Variants in FRMD4A observed in about 807,000 individuals in gnomAD.
The protein encoded by FRMD4A is FERM domain-containing protein 4A.
In FRMD4A, 29 loss-of-function variants were observed where a neutral mutation model predicts 129.1. The observed-to-expected ratio is 0.22, with a 90% CI of 0.17 to 0.31. FRMD4A has a LOEUF of 0.31. Among genes scored for constraint, FRMD4A ranks in the 10% least tolerant of loss-of-function variants. The pLI is 1.00. For synonymous variants in FRMD4A, 634 were observed against 571.6 expected, an observed-to-expected ratio of 1.11 and a Z score of -1.56; for missense variants, 1,272 against 1,375.8, an observed-to-expected ratio of 0.92 and a Z score of 1.19.
intron 2 of FRMD4A, among the ~76,000 whole-genome samples, chr10:14,235,170 C>G (rs1293944689): frequency 1.3e-5 from 2 of 148,714 alleles, no homozygotes; most frequent in Non-Finnish European, 3.0e-5. Flanking sequence ...TTTTTTTTGA[C>G]ACGGAGTCTT....
intron 2 of FRMD4A, among the ~76,000 whole-genome samples, chr10:13,917,260 G>T (rs933833647): frequency 6.7e-6 from 1 of 150,108 alleles, no homozygotes; most frequent in Admixed American, 6.7e-5. Context: ...CTTCTATCTG[G>T]TTCTATCTTA....
chr10:14,215,198 A>G lies in FRMD4A; in HGVS notation c.45+114860T>C, dbSNP rs149919189. Reference sequence around the variant, plus strand: ...AACGAAAAAGCCGTGGAAAATAAATATATTCCAGTGGCTCCAAAGTTATTT... The same window carrying G: ...AACGAAAAAGCCGTGGAAAATAAATGTATTCCAGTGGCTCCAAAGTTATTT... On this transcript the variant is annotated intron_variant, in intron 2 of 24. Coordinates refer to ENST00000357447, the MANE Select transcript of FRMD4A (RefSeq NM_018027.5). 1.8e-3 allele frequency among the ~76,000 whole-genome samples: 271 copies of G among 152,366 alleles called. 1 individual carries two copies. The highest frequency in any genetic ancestry group is 2.6e-3 in the Non-Finnish European group (178 of 68,034).
At chr10:14,034,555 T>C (rs1356075205) in intron 2 of FRMD4A, among the ~76,000 whole-genome samples, 1 of 152,020 alleles carries the variant, frequency 6.6e-6, no homozygotes, top group Non-Finnish European at 1.5e-5. Flanking sequence ...AACAGATAAA[T>C]ATTTTCAGGA....
At chr10:13,673,420 T>C (rs1177785215) in intron 16 of FRMD4A, among the ~76,000 whole-genome samples, 1 of 152,196 alleles carries the variant, frequency 6.6e-6, no homozygotes, top group African/African-American at 2.4e-5. Flanking sequence ...GGGAGGGGTA[T>C]ACGTCTCTTT....
intron 2 of FRMD4A, among the ~76,000 whole-genome samples, chr10:14,251,077 T>C (rs1380390460): frequency 6.6e-6 from 1 of 151,874 alleles, no homozygotes; most frequent in African/African-American, 2.4e-5. Context: ...CTAAACTGTG[T>C]AGTAGGCAGC....
chr10:14,189,299 C>T (rs943375233), intron 2 of FRMD4A, among the ~76,000 whole-genome samples: 23 of 152,002 alleles, frequency 1.5e-4, no homozygotes, highest in African/African-American at 4.3e-4. Flanking sequence ...ATGGGCCCGG[C>T]GCGGTTGCTC....
At chr10:13,833,726 C>T (rs2093826598) in intron 3 of FRMD4A, among the ~76,000 whole-genome samples, 1 of 152,000 alleles carries the variant, frequency 6.6e-6, no homozygotes, top group South Asian at 2.1e-4. Flanking sequence ...TAAGTCTTTA[C>T]AAGAGCCCAC....
At chr10:13,879,818 T>C (rs950151684) in intron 2 of FRMD4A, among the ~76,000 whole-genome samples, 13 of 134,166 alleles carry the variant, frequency 9.7e-5, no homozygotes, top group Admixed American at 3.1e-4. Flanking sequence ...TCCTCCTCCT[T>C]CTTCTTCTTC....
chr10:14,260,792 G>A (rs1262681261), intron 2 of FRMD4A, among the ~76,000 whole-genome samples: 2 of 152,176 alleles, frequency 1.3e-5, no homozygotes, highest in Admixed American at 6.5e-5. Flanking sequence ...AACTATAAAA[G>A]TGTATTAAAA....
At chr10:13,906,327 A>G (rs542010868) in intron 2 of FRMD4A, among the ~76,000 whole-genome samples, 1 of 152,102 alleles carries the variant, frequency 6.6e-6, no homozygotes, top group Admixed American at 6.5e-5. Context: ...GTGCAATAAC[A>G]CAGTGGTCAG....
At chr10:14,186,401 G>C (rs11258931) in intron 2 of FRMD4A, among the ~76,000 whole-genome samples, 3 of 152,038 alleles carry the variant, frequency 2.0e-5, no homozygotes, top group Non-Finnish European at 4.4e-5. Context: ...TCCTTCCACC[G>C]ATCACCCACT....
chr10:14,073,232 T>C lies in FRMD4A; in HGVS notation c.46-214320A>G, dbSNP rs74398820. Among the ~76,000 whole-genome samples the C allele has an allele frequency of 4.4e-3, 677 of 152,150 alleles. 2 individuals carry two copies. Among genetic ancestry groups the C allele is most frequent in the African/African-American group, 0.015 (625 of 41,512 alleles). ...ATTGGTGTATTTCTTGTAGTCCCTT[T>C]AGTAGGCTGGGGGCAGTAGTGGGAG... On this transcript the variant is annotated intron_variant, in intron 2 of 24. Coordinates refer to ENST00000357447, the MANE Select transcript of FRMD4A (RefSeq NM_018027.5).
At chr10:14,212,731 T>C (rs963538419) in intron 2 of FRMD4A, among the ~76,000 whole-genome samples, 11 of 152,252 alleles carry the variant, frequency 7.2e-5, no homozygotes, top group African/African-American at 2.2e-4. Flanking sequence ...GCCTTTGGAA[T>C]GAACTGCTTA....
intron 2 of FRMD4A, among the ~76,000 whole-genome samples, chr10:13,883,926 C>T (rs1005289875): frequency 6.6e-6 from 1 of 152,160 alleles, no homozygotes; most frequent in African/African-American, 2.4e-5. Flanking sequence ...CCTGTTTAAT[C>T]AGTCTCCAGA....
chr10:14,076,880 A>G (rs1199229397), intron 2 of FRMD4A, among the ~76,000 whole-genome samples: 1 of 152,202 alleles, frequency 6.6e-6, no homozygotes. Flanking sequence ...CCTTGTCCTC[A>G]ATAAGCACAC....
At position 13,890,803 on chromosome 10, in the gene FRMD4A, T is replaced by C. The variant is rs140042169; in HGVS notation, c.46-31891A>G. On this transcript the variant is annotated intron_variant, in intron 2 of 24. Transcript: ENST00000357447. ...AGCTGCACTTCCCGGGGGGCTGGCA[T>C]GGCTGCATCGTTCAGAATGAGGATG... 6,386 of 985,370 alleles carry C rather than the reference T, an allele frequency of 6.5e-3. 29 individuals carry two copies. The highest frequency in any genetic ancestry group is 7.2e-3 in the Non-Finnish European group (5,949 of 829,892). 61.0% of individuals were successfully genotyped at this position (985,370 alleles called of 1,614,324 possible).
chr10:14,016,503 T>C (rs1217021032), intron 2 of FRMD4A, among the ~76,000 whole-genome samples: 1 of 152,254 alleles, frequency 6.6e-6, no homozygotes, highest in Admixed American at 6.5e-5. Context: ...TCTGTTCTGC[T>C]ATAAGGTCCA....
At chr10:14,131,569 G>T (rs1340821666) in intron 2 of FRMD4A, among the ~76,000 whole-genome samples, 4 of 152,184 alleles carry the variant, frequency 2.6e-5, no homozygotes, top group African/African-American at 9.7e-5. Context: ...GTGGCTCCAT[G>T]ATGTGACTGC....
chr10:14,294,666 T>C (rs1431511968), intron 2 of FRMD4A, among the ~76,000 whole-genome samples: 9 of 152,222 alleles, frequency 5.9e-5, no homozygotes, highest in Admixed American at 5.2e-4. Context: ...CATTCTGCAT[T>C]GCGTTAACCT....
Sources: allele counts gnomAD v4.1 joint callset (sites outside exome capture counted in the v4.1 genomes callset), GRCh38; gene constraint gnomAD v4.1.1; transcripts MANE v1.5; gene names NCBI Gene and HGNC (gene_info 2026-07-23, HGNC 2026-07-21).